Variants in NRXN1 observed in about 807,000 individuals in gnomAD.
The protein encoded by NRXN1 is neurexin-1.
A neutral mutation model predicts 150.9 loss-of-function variants in NRXN1; 39 were observed. The observed-to-expected ratio is 0.26, with a 90% CI of 0.20 to 0.34. The LOEUF (loss-of-function observed/expected upper bound fraction) is 0.34, where lower values mean the gene tolerates loss of function less well. Among genes scored for constraint, NRXN1 ranks in the 10% least tolerant of loss-of-function variants. The pLI is 1.00. For synonymous variants in NRXN1, 924 were observed against 757.0 expected, an observed-to-expected ratio of 1.22 and a Z score of -3.62; for missense variants, 1,815 against 1,949.9, an observed-to-expected ratio of 0.93 and a Z score of 1.30.
At chr2:50,865,381 G>T (rs1468443175) in intron 5 of NRXN1, among the ~76,000 whole-genome samples, 1 of 151,832 alleles carries the variant, frequency 6.6e-6, no homozygotes, top group Non-Finnish European at 1.5e-5. Flanking sequence ...TAAAATTAGT[G>T]TGTGTCTCTG....
intron 18 of NRXN1, among the ~76,000 whole-genome samples, chr2:50,172,933 C>A (rs1408461642): frequency 6.6e-6 from 1 of 152,066 alleles, no homozygotes; most frequent in East Asian, 1.9e-4. Context: ...TGCCACTGCA[C>A]TCCAGCCTGG....
intron 17 of NRXN1, among the ~76,000 whole-genome samples, chr2:50,315,468 G>A (rs1324362887): frequency 6.6e-6 from 1 of 152,058 alleles, no homozygotes; most frequent in Non-Finnish European, 1.5e-5. Context: ...CATGCTCTTT[G>A]CTCACAGTTA....
At chr2:50,743,819 T>G (rs1699718214) in intron 5 of NRXN1, among the ~76,000 whole-genome samples, 1 of 152,188 alleles carries the variant, frequency 6.6e-6, no homozygotes. Flanking sequence ...ACTGAATTTA[T>G]TCAATAAAGA....
chr2:50,985,666 A>T (rs1161223815), intron 2 of NRXN1, among the ~76,000 whole-genome samples: 1 of 151,824 alleles, frequency 6.6e-6, no homozygotes. Context: ...ATAAAAAGAT[A>T]AACATAAACA....
At chr2:49,969,092 G>A (rs147503589) in intron 21 of NRXN1, among the ~76,000 whole-genome samples, 376 of 152,148 alleles carry the variant, frequency 2.5e-3, no homozygotes, top group Middle Eastern at 6.8e-3. Context: ...AAACCTCTTG[G>A]CAAGTCCAAC....
At chr2:50,782,634 A>C (rs942090095) in intron 5 of NRXN1, among the ~76,000 whole-genome samples, 10 of 152,208 alleles carry the variant, frequency 6.6e-5, no homozygotes, top group African/African-American at 2.4e-4. Flanking sequence ...AAAGGTCTGT[A>C]ACATACTATT....
At chr2:50,600,754 C>G (rs573256911) in intron 8 of NRXN1, among the ~76,000 whole-genome samples, 125 of 152,212 alleles carry the variant, frequency 8.2e-4, no homozygotes, top group African/African-American at 2.9e-3. Context: ...TCTCCAAAAC[C>G]AGTTGAAGAA....
At chr2:50,196,245 A>G (rs1204035827) in intron 18 of NRXN1, among the ~76,000 whole-genome samples, 3 of 152,080 alleles carry the variant, frequency 2.0e-5, no homozygotes, top group Non-Finnish European at 2.9e-5. Context: ...TAATCTGTGT[A>G]GGGTAGATTC....
chr2:50,531,170 G>A, intron 11 of NRXN1, 57 bp downstream of exon 11: 1 of 914,228 alleles, frequency 1.1e-6, no homozygotes. Flanking sequence ...ATGTTTGCAG[G>A]CAAATTGAAC....
At chr2:50,186,192 A>T (rs2061059673) in intron 18 of NRXN1, among the ~76,000 whole-genome samples, 1 of 152,058 alleles carries the variant, frequency 6.6e-6, no homozygotes, top group South Asian at 2.1e-4. Flanking sequence ...CACAAAGAAA[A>T]TTATTTCTGA....
chr2:50,361,923 T>A (rs2079238307), intron 17 of NRXN1, among the ~76,000 whole-genome samples: 1 of 152,190 alleles, frequency 6.6e-6, no homozygotes, highest in African/African-American at 2.4e-5. Context: ...GCTTCATCCC[T>A]GGGATGCCAG....
chr2:50,713,272 C>A (rs1695425291), intron 5 of NRXN1, among the ~76,000 whole-genome samples: 1 of 151,428 alleles, frequency 6.6e-6, no homozygotes, highest in Non-Finnish European at 1.5e-5. Context: ...CGAGATAGTA[C>A]CCCTACACTC....
intron 21 of NRXN1, among the ~76,000 whole-genome samples, chr2:50,022,197 T>C (rs1274954528): frequency 6.6e-6 from 1 of 152,168 alleles, no homozygotes; most frequent in Admixed American, 6.6e-5. Flanking sequence ...TTAGCCAGGA[T>C]GATCTCAATC....
chr2:50,905,831 G>T (rs1252452708), intron 5 of NRXN1, among the ~76,000 whole-genome samples: 1 of 152,046 alleles, frequency 6.6e-6, no homozygotes, highest in Non-Finnish European at 1.5e-5. Flanking sequence ...AGAGTTCCCT[G>T]GGTTGATGTG....
chr2:50,533,961 C>G (rs186197921), intron 10 of NRXN1, among the ~76,000 whole-genome samples: 1 of 152,068 alleles, frequency 6.6e-6, no homozygotes, highest in African/African-American at 2.4e-5. Context: ...AGAGTATTAT[C>G]TGTATATGCC....
chr2:51,025,118 A>C (rs536201499), intron 2 of NRXN1, among the ~76,000 whole-genome samples: 1 of 152,256 alleles, frequency 6.6e-6, no homozygotes, highest in East Asian at 1.9e-4. Flanking sequence ...TCCATCTCCC[A>C]ATTCTGTGAT....
intron 5 of NRXN1, among the ~76,000 whole-genome samples, chr2:50,719,937 G>C (rs910185280): frequency 2.0e-5 from 3 of 152,096 alleles, no homozygotes; most frequent in African/African-American, 7.2e-5. Flanking sequence ...CAACAGAAAA[G>C]GTAAAGCTGA....
intron 17 of NRXN1, among the ~76,000 whole-genome samples, chr2:50,296,799 T>G (rs1470122834): frequency 6.6e-6 from 1 of 151,844 alleles, no homozygotes; most frequent in Non-Finnish European, 1.5e-5. Context: ...ACATGCAGTA[T>G]GAATTTTCTG....
intron 5 of NRXN1, among the ~76,000 whole-genome samples, chr2:50,888,229 C>G (rs1289435043): frequency 6.6e-6 from 1 of 151,570 alleles, no homozygotes; most frequent in Middle Eastern, 3.4e-3. Flanking sequence ...AAAAACACAA[C>G]GCAAAAACCT....
Sources: allele counts gnomAD v4.1 joint callset (sites outside exome capture counted in the v4.1 genomes callset), GRCh38; gene constraint gnomAD v4.1.1; transcripts MANE v1.5; gene names NCBI Gene and HGNC (gene_info 2026-07-23, HGNC 2026-07-21).